Variants in SLC2A13 observed in about 807,000 individuals in gnomAD.
SLC2A13 encodes the protein solute carrier family 2 member 13.
A neutral mutation model predicts 64.4 loss-of-function variants in SLC2A13; 32 were observed. The ratio of observed to expected loss-of-function variants is 0.50; its 90% CI spans 0.37 to 0.67. The LOEUF (loss-of-function observed/expected upper bound fraction) is 0.67, where lower values mean the gene tolerates loss of function less well. SLC2A13 is among the 30% of genes least tolerant of loss of function. SLC2A13 has a pLI of 0.00. For missense variants in SLC2A13, 743 were observed against 829.2 expected, an observed-to-expected ratio of 0.90 and a Z score of 1.28; for synonymous variants, 338 against 327.1, an observed-to-expected ratio of 1.03 and a Z score of -0.36.
At chr12:39,953,381 C>A (rs145789916) in intron 3 of SLC2A13, among the ~76,000 whole-genome samples, 199 of 152,180 alleles carry the variant, frequency 1.3e-3, no homozygotes, top group African/African-American at 4.6e-3. Context: ...CCAGCAGCTG[C>A]ACATCTGATT....
chr12:39,933,097 C>T (rs1274328891), intron 4 of SLC2A13, among the ~76,000 whole-genome samples: 1 of 152,070 alleles, frequency 6.6e-6, no homozygotes. Flanking sequence ...GTCGTGGGGG[C>T]ATGTGCCTGT....
chr12:39,900,913 G>A (rs981888716), intron 4 of SLC2A13, among the ~76,000 whole-genome samples: 4 of 152,144 alleles, frequency 2.6e-5, no homozygotes, highest in African/African-American at 9.7e-5. Flanking sequence ...AAAGCTGGAG[G>A]CATCACGCTA....
intron 4 of SLC2A13, among the ~76,000 whole-genome samples, chr12:39,947,353 G>C (rs528685723): frequency 6.6e-6 from 1 of 152,278 alleles, no homozygotes; most frequent in Non-Finnish European, 1.5e-5. Context: ...GTAAAAATCT[G>C]ATACCTTTCA....
In SLC2A13 at chr12:39,896,274, GTATA is replaced by G. The variant is rs1395456128; in HGVS notation, c.1035-24317_1035-24314del. Among the ~76,000 whole-genome samples, 20 of 118,364 alleles carry G rather than the reference GTATA, an allele frequency of 1.7e-4. No homozygotes were observed. The East Asian group carries it at 4.5e-3, about 26-fold the overall frequency. 77.7% of individuals were successfully genotyped at this position (118,364 alleles called of 152,430 possible). On this transcript the variant is annotated intron_variant, in intron 4 of 9. Coordinates refer to ENST00000280871, the MANE Select transcript of SLC2A13 (RefSeq NM_052885.4). The stretch of plus-strand genomic sequence containing the variant: ...CATGTATGTATATGTGTGTATATAT[GTATA>G]CATGTATGTATATGTGTGTATATAT...
chr12:39,806,904 G>A (rs1941994042), intron 7 of SLC2A13, among the ~76,000 whole-genome samples: 1 of 152,090 alleles, frequency 6.6e-6, no homozygotes, highest in Non-Finnish European at 1.5e-5. Context: ...AAGAAGGTGT[G>A]ATCAACTGAC....
At chr12:40,090,837 G>A (rs1938742793) in intron 1 of SLC2A13, among the ~76,000 whole-genome samples, 1 of 152,028 alleles carries the variant, frequency 6.6e-6, no homozygotes, top group South Asian at 2.1e-4. Context: ...CTTTAGATTT[G>A]TCTATTTTAT....
intron 9 of SLC2A13, among the ~76,000 whole-genome samples, chr12:39,762,579 G>C (rs2135710266): frequency 6.6e-6 from 1 of 152,040 alleles, no homozygotes; most frequent in Admixed American, 6.6e-5. Flanking sequence ...ATATGGTTGA[G>C]GAAGGAATCA....
chr12:40,071,623 C>T (rs1019780068), intron 1 of SLC2A13, among the ~76,000 whole-genome samples: 3 of 152,066 alleles, frequency 2.0e-5, no homozygotes, highest in Admixed American at 6.6e-5. Flanking sequence ...ACTTGTAAAC[C>T]CATCTGAACC....
At chr12:40,034,142 A>AT (rs531403201) in intron 2 of SLC2A13, among the ~76,000 whole-genome samples, 74 of 152,304 alleles carry the variant, frequency 4.9e-4, no homozygotes, top group African/African-American at 1.4e-3. Context: ...ACTACATTGT[A>AT]TTTTTTAAAA....
intron 7 of SLC2A13, among the ~76,000 whole-genome samples, chr12:39,787,059 T>C (rs899637646): frequency 3.9e-5 from 6 of 152,168 alleles, no homozygotes; most frequent in Non-Finnish European, 8.8e-5. Context: ...TACCTAGATG[T>C]TACGGTAAAC....
At chr12:39,991,940 TC>T (rs1460192103) in intron 3 of SLC2A13, among the ~76,000 whole-genome samples, 2 of 152,212 alleles carry the variant, frequency 1.3e-5, no homozygotes, top group Non-Finnish European at 2.9e-5. Flanking sequence ...TCTGCAGGCA[TC>T]CTTGTTCCTC....
At chr12:39,902,040 T>A (rs994494313) in intron 4 of SLC2A13, among the ~76,000 whole-genome samples, 1 of 151,902 alleles carries the variant, frequency 6.6e-6, no homozygotes, top group African/African-American at 2.4e-5. Flanking sequence ...ATGTCCTTTG[T>A]AGGGACATGG....
At chr12:39,763,419 T>G (rs1340010530) in intron 9 of SLC2A13, among the ~76,000 whole-genome samples, 1 of 152,176 alleles carries the variant, frequency 6.6e-6, no homozygotes, top group East Asian at 1.9e-4. Context: ...ATCTGCAAAA[T>G]TTATCCATGT....
At chr12:39,963,896 C>A (rs886285125) in intron 3 of SLC2A13, among the ~76,000 whole-genome samples, 1 of 152,048 alleles carries the variant, frequency 6.6e-6, no homozygotes, top group African/African-American at 2.4e-5. Flanking sequence ...TTATATATAA[C>A]AGTAATCATG....
chr12:39,896,465 T>TATATGTATATGTGTATATATGTAC (rs1944897411), intron 4 of SLC2A13, among the ~76,000 whole-genome samples: 1 of 141,450 alleles, frequency 7.1e-6, no homozygotes, highest in Non-Finnish European at 1.5e-5. Flanking sequence ...TATATATGTA[T>TATATGTATATGTGTATATATGTAC]ACATATATGT....
At chr12:39,833,410 C>G (rs1304768760) in intron 6 of SLC2A13, among the ~76,000 whole-genome samples, 2 of 152,088 alleles carry the variant, frequency 1.3e-5, no homozygotes, top group Non-Finnish European at 2.9e-5. Context: ...AAGAGACCTT[C>G]AACATTCATT....
At chr12:40,042,339 T>A (rs1347297161) in intron 2 of SLC2A13, among the ~76,000 whole-genome samples, 2 of 152,040 alleles carry the variant, frequency 1.3e-5, no homozygotes, top group East Asian at 3.9e-4. Flanking sequence ...TTAATACAAA[T>A]CACATGATGA....
intron 6 of SLC2A13, among the ~76,000 whole-genome samples, chr12:39,856,629 A>G (rs1943616740): frequency 6.6e-6 from 1 of 152,182 alleles, no homozygotes; most frequent in Non-Finnish European, 1.5e-5. Context: ...GGCCTCCCAA[A>G]GTGCTGGGAT....
intron 3 of SLC2A13, among the ~76,000 whole-genome samples, chr12:40,005,378 C>A (rs995631976): frequency 3.3e-5 from 5 of 152,090 alleles, no homozygotes; most frequent in Non-Finnish European, 7.4e-5. Flanking sequence ...CATCTGGAGG[C>A]TCCTAGTAAT....
Sources: allele counts gnomAD v4.1 joint callset (sites outside exome capture counted in the v4.1 genomes callset), GRCh38; gene constraint gnomAD v4.1.1; transcripts MANE v1.5; gene names NCBI Gene and HGNC (gene_info 2026-07-23, HGNC 2026-07-21).